Variants in PKP4 observed in about 807,000 individuals in gnomAD.
The protein encoded by PKP4 is plakophilin 4, also known as plakophilin-4.
In PKP4, 90 loss-of-function variants were observed where a neutral mutation model predicts 145.1. That is an observed-to-expected ratio of 0.62 (90% CI 0.52 to 0.74). The LOEUF (loss-of-function observed/expected upper bound fraction) is 0.74, where lower values mean the gene tolerates loss of function less well. PKP4 is among the 30% of genes least tolerant of loss of function. PKP4 has a pLI of 0.00. For synonymous variants in PKP4, 563 were observed against 577.2 expected (o/e 0.98, Z 0.35); for missense variants, 1,340 against 1,482.7 (o/e 0.90, Z 1.58).
chr2:158,563,714 CT>C (rs70994213), intron 2 of PKP4, among the ~76,000 whole-genome samples: 111,777 of 151,372 alleles, frequency 0.74, 42,187 homozygotes, highest in East Asian at 0.92. Context: ...TAATATTTAC[CT>C]TTTTTTTTGG....
intron 2 of PKP4, among the ~76,000 whole-genome samples, chr2:158,564,336 C>G (rs2046795742): frequency 6.6e-6 from 1 of 152,018 alleles, no homozygotes; most frequent in South Asian, 2.1e-4. Context: ...TCTGAAGCAA[C>G]AGATAAGAGT....
chr2:158,554,897 T>C (rs374280678), intron 2 of PKP4, among the ~76,000 whole-genome samples: 9 of 152,162 alleles, frequency 5.9e-5, no homozygotes, highest in Non-Finnish European at 1.3e-4. Flanking sequence ...AGATGTTAGG[T>C]AGCAAGAACA....
At chr2:158,589,933 G>A (rs371850245) in intron 3 of PKP4, among the ~76,000 whole-genome samples, 27 of 152,002 alleles carry the variant, frequency 1.8e-4, no homozygotes, top group African/African-American at 4.3e-4. Context: ...CCACTAGTGC[G>A]TTTTCAGCAG....
intron 2 of PKP4, among the ~76,000 whole-genome samples, chr2:158,538,951 G>T (rs2044295617): frequency 6.6e-6 from 1 of 152,070 alleles, no homozygotes; most frequent in Non-Finnish European, 1.5e-5. Flanking sequence ...GAATAGATTT[G>T]GTAAAATATG....
chr2:158,533,346 A>G (rs2043745945), intron 2 of PKP4, 30 bp downstream of exon 2: 1 of 1,612,224 alleles, frequency 6.2e-7, no homozygotes, highest in African/African-American at 1.3e-5. Context: ...GTTGCAGTGA[A>G]TTATTTCTTT....
At chr2:158,494,882 T>A (rs1441190177) in intron 1 of PKP4, among the ~76,000 whole-genome samples, 2 of 152,116 alleles carry the variant, frequency 1.3e-5, no homozygotes, top group Non-Finnish European at 2.9e-5. Context: ...GCTCTATTTT[T>A]TTTTTTAAAG....
At chr2:158,501,136 C>G (rs1696498843) in intron 1 of PKP4, among the ~76,000 whole-genome samples, 1 of 152,186 alleles carries the variant, frequency 6.6e-6, no homozygotes, top group Non-Finnish European at 1.5e-5. Flanking sequence ...ATATTCCCTT[C>G]AGGCAGGCAT....
chr2:158,594,375 C>T (rs748047320), intron 3 of PKP4, among the ~76,000 whole-genome samples: 3 of 152,158 alleles, frequency 2.0e-5, no homozygotes, highest in African/African-American at 4.8e-5. Context: ...TTATGCCTTG[C>T]TTAGTTCAAA....
intron 4 of PKP4, among the ~76,000 whole-genome samples, chr2:158,607,472 A>G (rs1038172716): frequency 1.3e-5 from 2 of 152,186 alleles, no homozygotes; most frequent in Non-Finnish European, 1.5e-5. Flanking sequence ...GAAGCACCCA[A>G]GAGATAATGA....
At chr2:158,619,329 T>C (rs1172722467) in intron 4 of PKP4, among the ~76,000 whole-genome samples, 1 of 152,232 alleles carries the variant, frequency 6.6e-6, no homozygotes, top group African/African-American at 2.4e-5. Flanking sequence ...TTAATCTTTG[T>C]TGAAATTCCA....
At chr2:158,626,565 G>T (rs531247451) in intron 7 of PKP4, among the ~76,000 whole-genome samples, 19 of 152,322 alleles carry the variant, frequency 1.2e-4, no homozygotes, top group Admixed American at 1.2e-3. Context: ...TTTTTACTTT[G>T]AGAGATATTA....
At chr2:158,623,803 A>G (rs2052494225) in intron 6 of PKP4, among the ~76,000 whole-genome samples, 1 of 152,206 alleles carries the variant, frequency 6.6e-6, no homozygotes, top group Non-Finnish European at 1.5e-5. Context: ...AGCAGCCACT[A>G]AGGAGGTAAC....
intron 2 of PKP4, among the ~76,000 whole-genome samples, chr2:158,546,339 C>T (rs550117191): frequency 7.2e-5 from 11 of 152,300 alleles, no homozygotes; most frequent in African/African-American, 2.6e-4. Flanking sequence ...AAAACTGTCT[C>T]TTCTGTAACT....
chr2:158,477,896 G>A (rs1574003081), intron 1 of PKP4, among the ~76,000 whole-genome samples: 1 of 152,254 alleles, frequency 6.6e-6, no homozygotes, highest in South Asian at 2.1e-4. Flanking sequence ...TGCTAACTGA[G>A]CTATAGACCA....
intron 1 of PKP4, among the ~76,000 whole-genome samples, chr2:158,504,881 C>T (rs1697089830): frequency 6.6e-6 from 1 of 152,136 alleles, no homozygotes; most frequent in Non-Finnish European, 1.5e-5. Flanking sequence ...AGTGCAATTT[C>T]AGTGATGTTT....
intron 1 of PKP4, among the ~76,000 whole-genome samples, chr2:158,530,196 C>T (rs1408223889): frequency 6.6e-6 from 1 of 152,206 alleles, no homozygotes; most frequent in Non-Finnish European, 1.5e-5. Context: ...CATTTTAGTT[C>T]TCACAAATCA....
intron 2 of PKP4, among the ~76,000 whole-genome samples, chr2:158,572,449 T>C (rs2047488050): frequency 6.6e-6 from 1 of 152,144 alleles, no homozygotes; most frequent in Non-Finnish European, 1.5e-5. Context: ...CAAATGAGAA[T>C]CCTAAGCAAT....
At position 158,520,775 on chromosome 2, in the gene PKP4, T is replaced by C. The variant is rs372154565; in HGVS notation, c.-5-12405T>C. 4.6e-5 allele frequency among the ~76,000 whole-genome samples: 7 copies of C among 152,360 alleles called. No individual in the cohort carries two copies. In the South Asian group the frequency reaches 1.5e-3, roughly 32 times the overall value. On this transcript the variant is annotated intron_variant, in intron 1 of 21. Transcript: ENST00000389759. ...TGGTCATTTCCTTGCCACCTATGCA[T>C]GCGTTCTTAGTAAGCAGAGTTTTAT...
intron 11 of PKP4, among the ~76,000 whole-genome samples, chr2:158,652,003 G>A (rs2055411360): frequency 6.6e-6 from 1 of 152,072 alleles, no homozygotes; most frequent in Non-Finnish European, 1.5e-5. Context: ...CTCGGAGTCT[G>A]GCATGAAGCA....
Sources: allele counts gnomAD v4.1 joint callset (sites outside exome capture counted in the v4.1 genomes callset), GRCh38; gene constraint gnomAD v4.1.1; transcripts MANE v1.5; gene names NCBI Gene and HGNC (gene_info 2026-07-23, HGNC 2026-07-21).